Variants in AOPEP observed in about 807,000 individuals in gnomAD.
AOPEP encodes aminopeptidase O.
In AOPEP, 77 loss-of-function variants were observed where a neutral mutation model predicts 98.1. That is an observed-to-expected ratio of 0.78 (90% confidence interval 0.65 to 0.95). The LOEUF (loss-of-function observed/expected upper bound fraction) is 0.95, where lower values mean the gene tolerates loss of function less well. Among genes scored for constraint, AOPEP ranks in the 40% least tolerant of loss-of-function variants. The pLI is 0.00. For missense variants in AOPEP, 1,024 were observed against 1,024.7 expected (o/e 1.00, Z 0.01); for synonymous variants, 346 against 365.3 (o/e 0.95, Z 0.60).
At chr9:94,805,204 T>TA (rs542133866) in intron 5 of AOPEP, among the ~76,000 whole-genome samples, 103 of 152,086 alleles carry the variant, frequency 6.8e-4, no homozygotes, top group African/African-American at 2.3e-3. Flanking sequence ...TAGATACCTA[T>TA]ACCATCTCCC....
At chr9:95,064,358 G>A (rs1049685377) in intron 14 of AOPEP, among the ~76,000 whole-genome samples, 1 of 152,184 alleles carries the variant, frequency 6.6e-6, no homozygotes. Flanking sequence ...GCAGTGGCAC[G>A]ATCTTGGCTC....
At chr9:94,791,368 C>T (rs1315914975) in intron 3 of AOPEP, among the ~76,000 whole-genome samples, 1 of 151,784 alleles carries the variant, frequency 6.6e-6, no homozygotes, top group Middle Eastern at 3.2e-3. Flanking sequence ...AGGGTGAGGA[C>T]AGAAAAACTA....
chr9:95,125,713 G>C, the AOPEP span, among the ~76,000 whole-genome samples: 1 of 152,170 alleles, frequency 6.6e-6, no homozygotes, highest in Admixed American at 6.5e-5. Context: ...CCCCAACACT[G>C]TTCTGACTAC....
chr9:95,123,191 T>A, the AOPEP span: 1 of 189,122 alleles, frequency 5.3e-6, no homozygotes, highest in Non-Finnish European at 1.1e-5. Flanking sequence ...TGGTCCCAAC[T>A]ACTTGGGAGG....
At chr9:94,995,100 A>C (rs959038563) in intron 11 of AOPEP, among the ~76,000 whole-genome samples, 1 of 152,196 alleles carries the variant, frequency 6.6e-6, no homozygotes, top group African/African-American at 2.4e-5. Flanking sequence ...TCTCATGTCC[A>C]TTGGTTGTCA....
chr9:94,939,075 A>G (rs150847017), intron 7 of AOPEP, among the ~76,000 whole-genome samples: 1,844 of 152,084 alleles, frequency 0.012, 32 homozygotes, highest in East Asian at 0.043. Flanking sequence ...TGGTGAAACC[A>G]CATCTCTACT....
intron 2 of AOPEP, among the ~76,000 whole-genome samples, chr9:94,764,891 T>G (rs1839197562): frequency 6.6e-6 from 1 of 152,158 alleles, no homozygotes; most frequent in Non-Finnish European, 1.5e-5. Flanking sequence ...TATTATTTTA[T>G]AAGACAGGGT....
chr9:95,012,997 G>C (rs1395279652), intron 13 of AOPEP, among the ~76,000 whole-genome samples: 3 of 130,842 alleles, frequency 2.3e-5, no homozygotes, highest in Non-Finnish European at 4.9e-5. Flanking sequence ...TGGGGGGGGG[G>C]GCAGGGCGAT....
chr9:94,834,517 G>A (rs756876039), intron 5 of AOPEP, among the ~76,000 whole-genome samples: 14 of 152,216 alleles, frequency 9.2e-5, no homozygotes, highest in Non-Finnish European at 7.3e-5. Flanking sequence ...TTAAAAAAGA[G>A]CCTGGTGGCT....
intron 3 of AOPEP, among the ~76,000 whole-genome samples, chr9:94,783,523 T>C (rs545120419): frequency 6.6e-6 from 1 of 152,104 alleles, no homozygotes; most frequent in Admixed American, 6.6e-5. Flanking sequence ...TGGCACTCAC[T>C]TAGAAAACTG....
rs188225838 is a variant in AOPEP at position 94,908,366 on chromosome 9, G to C, written c.1365-15620G>C. Among the ~76,000 whole-genome samples, 58 of 152,206 alleles carry C rather than the reference G, an allele frequency of 3.8e-4. No homozygotes were observed. The East Asian group carries it at 9.1e-3, about 24-fold the overall frequency. ...AGAGTAAATCCTCCATCCTCCCCTT[G>C]TTGGCCCCTCACCAATAAAAGCGGA... On this transcript the variant is annotated intron_variant, in intron 5 of 16. Transcript: ENST00000375315.
chr9:95,082,746 A>G (rs753379688), intron 16 of AOPEP, 27 bp downstream of exon 16: 17 of 1,612,890 alleles, frequency 1.1e-5, no homozygotes, highest in African/African-American at 4.0e-5. Context: ...CCTTTCTGTC[A>G]TTTAGTTCTA....
rs962277241 is a variant in AOPEP at position 94,980,521 on chromosome 9, C to T, written c.1977+1094C>T. Among the ~76,000 whole-genome samples, 6 of 152,232 alleles carry T rather than the reference C, an allele frequency of 3.9e-5. No homozygotes were observed. Among genetic ancestry groups the T allele is most frequent in the Admixed American group, 2.0e-4 (3 of 15,292 alleles). The stretch of plus-strand genomic sequence containing the variant: ...CTGTTCTCCATTACCTTTTCATCCC[C>T]CTCCTCACATCTTTGTCCATTTTCA... On this transcript the variant is annotated intron_variant, in intron 11 of 16. Coordinates refer to ENST00000375315, the MANE Select transcript of AOPEP (RefSeq NM_001193329.3). This position sits in a 1 kb window ranked among gnomAD's most constrained non-coding sequence, Gnocchi z 4.3.
intron 5 of AOPEP, among the ~76,000 whole-genome samples, chr9:94,821,000 C>T (rs1054902152): frequency 1.3e-5 from 2 of 152,194 alleles, no homozygotes; most frequent in African/African-American, 4.8e-5. Context: ...TCAGGTTTCA[C>T]TAATTTTAAC....
chr9:94,918,719 T>C (rs1028946570), intron 5 of AOPEP, among the ~76,000 whole-genome samples: 2 of 152,138 alleles, frequency 1.3e-5, no homozygotes, highest in African/African-American at 4.8e-5. Flanking sequence ...AGCAATGAGA[T>C]GGCATGTGTA....
At chr9:94,897,993 C>T (rs2049822465) in intron 5 of AOPEP, among the ~76,000 whole-genome samples, 2 of 152,088 alleles carry the variant, frequency 1.3e-5, no homozygotes, top group African/African-American at 4.8e-5. Flanking sequence ...GCGCGCACCA[C>T]CATGCCTGGC....
intron 5 of AOPEP, among the ~76,000 whole-genome samples, chr9:94,887,120 C>T (rs1349875519): frequency 1.3e-5 from 2 of 151,912 alleles, no homozygotes; most frequent in African/African-American, 2.4e-5. Context: ...GTGAGTGGAT[C>T]CCTTGAGCTC....
chr9:94,928,566 C>A, intron 7 of AOPEP, 35 bp downstream of exon 7: 2 of 1,426,290 alleles, frequency 1.4e-6, no homozygotes, highest in South Asian at 2.5e-5. Flanking sequence ...CCCTCTCATT[C>A]CCCTCCTTCT....
At chr9:94,852,927 ATTC>A (rs1355370220) in intron 5 of AOPEP, among the ~76,000 whole-genome samples, 1 of 152,208 alleles carries the variant, frequency 6.6e-6, no homozygotes, top group Admixed American at 6.5e-5. Flanking sequence ...GATTATAGGT[ATTC>A]TACGCCAATT....
Sources: gnomAD v4.1 joint callset for allele counts (sites outside exome capture counted in the v4.1 genomes callset) on GRCh38, gnomAD v4.1.1 for gene constraint, Gnocchi (gnomAD v3.1) non-coding constraint, MANE v1.5 for transcripts, NCBI Gene and HGNC (gene_info 2026-07-23, HGNC 2026-07-21) for gene names.